Variants in ZFYVE26 observed in about 807,000 individuals in gnomAD.
ZFYVE26 encodes zinc finger FYVE domain-containing protein 26.
Under a neutral mutation model 276.5 loss-of-function variants are expected in ZFYVE26, and 181 were observed. The observed-to-expected ratio is 0.65, with a 90% CI of 0.58 to 0.74. ZFYVE26 has a LOEUF of 0.74. ZFYVE26 is among the 30% of genes least tolerant of loss of function. ZFYVE26 has a pLI of 0.00. For missense variants in ZFYVE26, 2,821 were observed against 3,097.9 expected (o/e 0.91, Z 2.12); for synonymous variants, 1,129 against 1,203.1 (o/e 0.94, Z 1.27).
At chr14:67,780,471 GC>G in intron 22 of ZFYVE26, 126 bp from the exon 23 acceptor site, 1 of 861,058 alleles carries the variant, frequency 1.2e-6, no homozygotes, top group African/African-American at 1.7e-5. Context: ...GTCAGAACTT[GC>G]CAGAAAAGAG....
At position 67,798,472 on chromosome 14, in the gene ZFYVE26, T is replaced by G. The variant is rs765901212; in HGVS notation, c.1790A>C (p.Glu597Ala). The G allele has an allele frequency of 4.3e-6, 7 of 1,614,166 alleles. No individual in the cohort carries two copies. In the South Asian group the frequency reaches 7.7e-5, roughly 18 times the overall value. The change falls in exon 11 of 42, where the codon GAG becomes GCG. Residue 597 changes from glutamate (E) to alanine (A), a missense_variant. Coordinates refer to ENST00000347230, the MANE Select transcript of ZFYVE26 (RefSeq NM_015346.4). Reference sequence around the variant, plus strand: ...AATGTCATCATCCTCAGCATAGTCCTCAGGCAAGTGAGGCTCTGGGTGAAG... The same window carrying G: ...AATGTCATCATCCTCAGCATAGTCCGCAGGCAAGTGAGGCTCTGGGTGAAG... ...ADLHPEPHLP[E>A]DYAEDDDIEG...
At chr14:67,803,502 C>T (rs983586450) in intron 9 of ZFYVE26, among the ~76,000 whole-genome samples, 7 of 151,620 alleles carry the variant, frequency 4.6e-5, no homozygotes, top group Admixed American at 1.3e-4. Context: ...CCACCACACC[C>T]GGCTAATTTT....
At position 67,798,116 on chromosome 14, in the gene ZFYVE26, A is replaced by G. The variant is rs778430652; in HGVS notation, c.2146T>C (p.Ser716Pro). Residue 716 changes from serine to proline, a missense_variant, in exon 11 of 42, where the codon TCA becomes CCA. By Grantham distance (74) the Ser-to-Pro change is moderately conservative (BLOSUM62 -1). Coordinates refer to ENST00000347230, the MANE Select transcript of ZFYVE26 (RefSeq NM_015346.4). ...EKPKQESQSC[S>P]GSRDGLQSRL... ...CTCTGCAGTCCATCTCTGCTTCCTG[A>G]GCAGCTCTGACTTTCTTGCTTTGGC... The G allele has an allele frequency of 1.9e-6, 3 of 1,614,108 alleles. No individual in the cohort carries two copies. Among genetic ancestry groups the G allele is most frequent in the Non-Finnish European group, 8.5e-7 (1 of 1,180,008 alleles).
intron 39 of ZFYVE26, 72 bp downstream of exon 39, chr14:67,753,635 A>T: frequency 1.3e-6 from 2 of 1,497,672 alleles, no homozygotes; most frequent in Non-Finnish European, 1.8e-6. Context: ...AATTTCCTAA[A>T]GAATAATCTC....
chr14:67,736,607 G>A (rs1192080721), intron 13 of ZFYVE26, among the ~76,000 whole-genome samples: 1 of 152,098 alleles, frequency 6.6e-6, no homozygotes. Context: ...GACATGAAAA[G>A]CAAAAAGCAT....
At chr14:67,800,106 T>C (rs1283441814) in intron 10 of ZFYVE26, among the ~76,000 whole-genome samples, 1 of 152,232 alleles carries the variant, frequency 6.6e-6, no homozygotes, top group Non-Finnish European at 1.5e-5. Context: ...TTTGTACTGA[T>C]GTACAGGTAT....
chr14:67,734,783 C>A (rs894156479), intron 13 of ZFYVE26, among the ~76,000 whole-genome samples: 1 of 152,232 alleles, frequency 6.6e-6, no homozygotes, highest in Non-Finnish European at 1.5e-5. Flanking sequence ...CACTCTTCCC[C>A]TTGAGTTTTA....
In ZFYVE26 at chr14:67,772,062, C is replaced by T; in HGVS notation, c.5469G>A (p.Arg1823=). Residue 1823 remains arginine, a synonymous_variant, in exon 28 of 42, where the codon AGG becomes AGA. Transcript: ENST00000347230. ...ETESICMVCC[R]EHFTMFNRRH... The stretch of plus-strand genomic sequence containing the variant: ...TGCTGCTTACCATGGTGAAGTGCTC[C>T]CTGCAGCAGACCATGCAGATACTCT... 1.2e-6 allele frequency: 2 copies of T among 1,611,306 alleles called. No homozygotes were observed. The highest frequency in any genetic ancestry group is 1.7e-6 in the Non-Finnish European group (2 of 1,179,470).
At chr14:67,789,732 A>G (rs2039762085) in intron 15 of ZFYVE26, 134 bp from the exon 16 acceptor site, 4 of 1,149,290 alleles carry the variant, frequency 3.5e-6, no homozygotes, top group Non-Finnish European at 5.0e-6. Context: ...TATTAGCACT[A>G]TCATTATGGC....
At chr14:67,734,152 A>T in intron 13 of ZFYVE26, 1 of 333,894 alleles carries the variant, frequency 3.0e-6, no homozygotes, top group Non-Finnish European at 5.9e-6. Context: ...GAAGAGCCCG[A>T]GAAATTGGGT....
chr14:67,807,598 G>T lies in ZFYVE26; in HGVS notation c.686C>A (p.Ala229Glu), dbSNP rs199969454. The change falls in exon 5 of 42, where the codon GCA (alanine) becomes GAA (glutamate). Residue 229 changes from alanine to glutamate, a missense_variant. Ala to Glu is a moderately radical substitution (Grantham distance 107, BLOSUM62 -1). Transcript: ENST00000347230. Reference sequence around the variant, plus strand: ...ATGCAACTCAACCCCAAGTGGTTCTGCGGGGCAACGCAGAGTCCGCAGGGC... The same window carrying T: ...ATGCAACTCAACCCCAAGTGGTTCTTCGGGGCAACGCAGAGTCCGCAGGGC... ...YGALRTLRCP[A>E]EPLGVELHLL... 2.4e-5 allele frequency: 39 copies of T among 1,614,104 alleles called. No homozygotes were observed. The highest frequency in any genetic ancestry group is 1.6e-4 in the Middle Eastern group (1 of 6,084).
Position 67,761,576 on chromosome 14 carries a change from G to A in ZFYVE26, c.6378C>T (p.Asp2126=), listed in dbSNP as rs764651563. 28 of 1,613,838 alleles carry A rather than the reference G, an allele frequency of 1.7e-5. No individual in the cohort carries two copies. The Admixed American group carries it at 3.0e-4, about 17-fold the overall frequency. The part of the protein sequence containing the change: ...TVRPFVSLQD[D]DYFATLRELE... ...GTTCCCTCAGGGTGGCAAAGTAATC[G>A]TCATCTTGCTGACAGCACAGGGAGC... Residue 2126 remains aspartate, a synonymous_variant, in exon 35 of 42, where the codon GAC becomes GAT. Transcript: ENST00000347230.
At chr14:67,815,243 A>T (rs543324150) in intron 2 of ZFYVE26, among the ~76,000 whole-genome samples, 1 of 152,376 alleles carries the variant, frequency 6.6e-6, no homozygotes, top group Admixed American at 6.5e-5. Context: ...CTGTAGTGTC[A>T]TTTAAAGTAA....
chr14:67,744,532 G>A (rs1039531224), downstream of ZFYVE26, among the ~76,000 whole-genome samples: 5 of 152,186 alleles, frequency 3.3e-5, no homozygotes, highest in South Asian at 2.1e-4. Context: ...AGCCCTGCAC[G>A]CATTAGGTAT....
Position 67,748,107 on chromosome 14 carries a change from C to A in ZFYVE26, c.*329G>T. On this transcript the variant is annotated 3_prime_UTR_variant, in exon 42 of 42. Transcript: ENST00000347230. ...GCCTCTTTTAAATGGAGAAGAGTTT[C>A]ATTTGTTCAGAAATGCTTGGGCGTA... 2.9e-6 allele frequency: 1 copy of A among 339,804 alleles called. No homozygotes were observed. Among genetic ancestry groups the A allele is most frequent in the South Asian group, 4.1e-5 (1 of 24,194 alleles). 21.0% of individuals were successfully genotyped at this position (339,804 alleles called of 1,614,324 possible).
chr14:67,782,006 C>G (rs1256364337), intron 21 of ZFYVE26, among the ~76,000 whole-genome samples: 1 of 152,212 alleles, frequency 6.6e-6, no homozygotes, highest in Admixed American at 6.5e-5. Context: ...ACCCATTTCA[C>G]AGATCTGATC....
chr14:67,748,000 G>T lies in ZFYVE26; in HGVS notation c.*436C>A, dbSNP rs554486638. 160 of 199,612 alleles carry T rather than the reference G, an allele frequency of 8.0e-4. No homozygotes were observed. Among genetic ancestry groups the T allele is most frequent in the Middle Eastern group, 2.1e-3 (1 of 466 alleles). 12.4% of individuals were successfully genotyped at this position (199,612 alleles called of 1,614,324 possible). On this transcript the variant is annotated 3_prime_UTR_variant, in exon 42 of 42. Coordinates refer to ENST00000347230, the MANE Select transcript of ZFYVE26 (RefSeq NM_015346.4). ...GAGCTACTAAAGCACGTCCACAGAG[G>T]GGGGACTATACAAACAGGACAACCC...
chr14:67,790,723 C>T lies in ZFYVE26; in HGVS notation c.2604G>A (p.Met868Ile). The change falls in exon 15 of 42, where the codon ATG becomes ATA. Residue 868 changes from methionine to isoleucine, a missense_variant. Physicochemically the swap from Met to Ile is conservative, Grantham distance 10. Transcript: ENST00000347230. ...LKSSPSSGELMFMERYQEVIQ... is the reference protein window; with the variant it reads ...LKSSPSSGELIFMERYQEVIQ... ...TCACTTCCTGGTAGCGCTCCATGAA[C>T]ATCAGTTCCCCTGAACTGGGTGAGG... The T allele has an allele frequency of 6.2e-7, 1 of 1,614,220 alleles. No homozygotes were observed. Among genetic ancestry groups the T allele is most frequent in the Non-Finnish European group, 8.5e-7 (1 of 1,180,030 alleles).
chr14:67,740,666 T>G (rs1346242069), intron 13 of ZFYVE26, among the ~76,000 whole-genome samples: 1 of 152,162 alleles, frequency 6.6e-6, no homozygotes, highest in African/African-American at 2.4e-5. Flanking sequence ...CCCAGCACTT[T>G]GGGAGGCCAA....
Sources: allele counts gnomAD v4.1 joint callset (sites outside exome capture counted in the v4.1 genomes callset), GRCh38; gene constraint gnomAD v4.1.1; transcripts MANE v1.5; gene names NCBI Gene and HGNC (gene_info 2026-07-23, HGNC 2026-07-21).